Variants in FOCAD observed in about 807,000 individuals in gnomAD.
FOCAD encodes the protein KIAA1797.
A neutral mutation model predicts 225.6 loss-of-function variants in FOCAD; 198 were observed. The observed-to-expected ratio is 0.88, with a 90% CI of 0.78 to 0.99. FOCAD has a LOEUF of 0.99. FOCAD is among the 50% of genes least tolerant of loss of function. The pLI, the probability that FOCAD is intolerant of heterozygous loss-of-function variation, is 0.00. For synonymous variants in FOCAD, 897 were observed against 755.0 expected (o/e 1.19, Z -3.08); for missense variants, 2,713 against 2,123.6 (o/e 1.28, Z -5.46).
rs141671263 is a variant in FOCAD at position 20,773,408 on chromosome 9, G to A, written c.906+3170G>A. ...AATGATATTGAATTAGCAGGTCTGA[G>A]TGCGGCCCAAGTATTCTCTATTTTA... On this transcript the variant is annotated intron_variant, in intron 8 of 43. Transcript: ENST00000338382. Among the ~76,000 whole-genome samples the A allele has an allele frequency of 1.7e-3, 260 of 152,298 alleles. 2 individuals carry two copies. In the East Asian group the frequency reaches 0.042, roughly 25 times the overall value.
intron 15 of FOCAD, among the ~76,000 whole-genome samples, chr9:20,846,950 T>C (rs1452981082): frequency 1.3e-5 from 2 of 152,134 alleles, no homozygotes; most frequent in South Asian, 2.1e-4. Flanking sequence ...ATGTGGAGAC[T>C]GAGGGTCACA....
intron 18 of FOCAD, among the ~76,000 whole-genome samples, chr9:20,869,848 G>A (rs1829612545): frequency 6.6e-6 from 1 of 152,152 alleles, no homozygotes; most frequent in South Asian, 2.1e-4. Flanking sequence ...ATCACTTAAA[G>A]CACACAGATC....
intron 35 of FOCAD, among the ~76,000 whole-genome samples, chr9:20,967,037 T>C (rs1034059895): frequency 2.6e-5 from 4 of 152,072 alleles, no homozygotes; most frequent in African/African-American, 7.2e-5. Flanking sequence ...AATTTGAGGA[T>C]TGACTTTTTC....
intron 42 of FOCAD, 145 bp downstream of exon 42, chr9:20,990,519 G>A (rs1433610911): frequency 4.8e-6 from 5 of 1,032,028 alleles, no homozygotes; most frequent in Non-Finnish European, 6.9e-6. Flanking sequence ...GCCAGATGCA[G>A]AGTCTCAGAG....
At chr9:20,907,011 G>A (rs372490703) in intron 21 of FOCAD, 139 bp from the exon 22 acceptor site, 6 of 612,354 alleles carry the variant, frequency 9.8e-6, no homozygotes, top group Non-Finnish European at 1.4e-5. Flanking sequence ...TATTATTTGT[G>A]GTTCTGATCC....
chr9:20,993,302 C>A lies in FOCAD; in HGVS notation c.5306C>A (p.Ser1769Ter), dbSNP rs564483970. The change falls in exon 43 of 44, where the codon TCA becomes TAA. Residue 1769 changes from serine (S) to a stop codon, truncating the protein, a stop_gained. Coordinates refer to ENST00000338382, the MANE Select transcript of FOCAD (RefSeq NM_001375567.1). LOFTEE classifies it high-confidence loss of function. The stretch of plus-strand genomic sequence containing the variant: ...ATGGAAAGCCCTAAAGAAGCCCTCT[C>A]AGCACAGTCCAGGGATCTTTTGAAA... Reference protein sequence around the residue: ...SIMESPKEALSAQSRDLLKAT... With the variant: ...SIMESPKEAL The A allele has an allele frequency of 6.2e-7, 1 of 1,613,890 alleles. No homozygotes were observed. The highest frequency in any genetic ancestry group is 1.3e-5 in the African/African-American group (1 of 75,028).
chr9:20,682,562 AT>A, upstream of FOCAD, among the ~76,000 whole-genome samples: 1 of 152,330 alleles, frequency 6.6e-6, no homozygotes, highest in East Asian at 1.9e-4. Flanking sequence ...TTACAGAGTT[AT>A]GTGTTTAATT....
At chr9:20,909,237 A>T (rs1051193275) in intron 22 of FOCAD, among the ~76,000 whole-genome samples, 2 of 152,090 alleles carry the variant, frequency 1.3e-5, no homozygotes, top group African/African-American at 4.8e-5. Flanking sequence ...ATCTATACAG[A>T]AACCCTTTGA....
At chr9:20,851,552 A>G (rs1364998574) in intron 15 of FOCAD, among the ~76,000 whole-genome samples, 2 of 151,870 alleles carry the variant, frequency 1.3e-5, no homozygotes, top group African/African-American at 4.8e-5. Flanking sequence ...ATTTTAAAGT[A>G]AATTCACTAA....
chr9:20,703,386 C>T (rs555509989), intron 1 of FOCAD, among the ~76,000 whole-genome samples: 1 of 152,218 alleles, frequency 6.6e-6, no homozygotes, highest in South Asian at 2.1e-4. Flanking sequence ...AGTGCCCTGA[C>T]TGAAGGAGAG....
At chr9:20,656,804 A>C (rs1269959638), upstream of FOCAD, among the ~76,000 whole-genome samples, 1 of 152,092 alleles carries the variant, frequency 6.6e-6, no homozygotes, top group East Asian at 1.9e-4. Context: ...TTATGTGTGA[A>C]TTTGATCCTG....
chr9:20,834,493 G>A (rs1263748304), intron 15 of FOCAD, among the ~76,000 whole-genome samples: 4 of 151,990 alleles, frequency 2.6e-5, no homozygotes, highest in African/African-American at 9.7e-5. Flanking sequence ...ACCATTATCT[G>A]GTCAATGGGT....
At chr9:20,665,368 G>T (rs756857948) in intron 2 of FOCAD, among the ~76,000 whole-genome samples, 2 of 152,046 alleles carry the variant, frequency 1.3e-5, no homozygotes, top group Non-Finnish European at 1.5e-5. Flanking sequence ...CACTGCTTAG[G>T]ACAATAAAGC....
At chr9:20,724,424 T>C (rs954926725) in intron 4 of FOCAD, among the ~76,000 whole-genome samples, 5 of 152,172 alleles carry the variant, frequency 3.3e-5, no homozygotes, top group African/African-American at 1.2e-4. Context: ...TAAGCAAATA[T>C]AGGAGTTTTA....
intron 30 of FOCAD, among the ~76,000 whole-genome samples, chr9:20,947,127 G>C (rs1049711335): frequency 6.6e-6 from 1 of 152,076 alleles, no homozygotes; most frequent in Non-Finnish European, 1.5e-5. Context: ...GGGAATATAA[G>C]AGTTATGTAA....
At chr9:20,787,427 G>C (rs1302562639) in intron 10 of FOCAD, among the ~76,000 whole-genome samples, 1 of 152,106 alleles carries the variant, frequency 6.6e-6, no homozygotes, top group Non-Finnish European at 1.5e-5. Context: ...CATAATGGCT[G>C]ATAGCTGGCA....
chr9:20,955,225 C>T (rs1246185163), intron 35 of FOCAD, among the ~76,000 whole-genome samples: 1 of 152,132 alleles, frequency 6.6e-6, no homozygotes, highest in Admixed American at 6.6e-5. Context: ...CAGCAACTCA[C>T]TAGAGGAAAG....
At chr9:20,826,556 T>C (rs1230857136) in intron 15 of FOCAD, among the ~76,000 whole-genome samples, 1 of 152,126 alleles carries the variant, frequency 6.6e-6, no homozygotes, top group African/African-American at 2.4e-5. Context: ...CTTGTGATCG[T>C]GTGAGTCAAG....
chr9:20,954,628 A>G (rs1319826998), intron 35 of FOCAD, among the ~76,000 whole-genome samples: 1 of 152,186 alleles, frequency 6.6e-6, no homozygotes, highest in Admixed American at 6.5e-5. Context: ...ATGTTCTGCT[A>G]TAAGGCTGAA....
Sources: allele counts gnomAD v4.1 joint callset (sites outside exome capture counted in the v4.1 genomes callset), GRCh38; gene constraint gnomAD v4.1.1; transcripts MANE v1.5; gene names NCBI Gene and HGNC (gene_info 2026-07-23, HGNC 2026-07-21).